Variants in INF2 observed in about 807,000 individuals in gnomAD.
INF2 encodes the protein inverted formin-2.
In INF2, 43 loss-of-function variants were observed where a neutral mutation model predicts 123.5. The observed-to-expected ratio is 0.35, with a 90% CI of 0.27 to 0.45. INF2 has a LOEUF of 0.45. Among genes scored for constraint, INF2 ranks in the 20% least tolerant of loss-of-function variants. INF2 has a pLI of 1.00. For synonymous variants in INF2, 851 were observed against 745.0 expected (o/e 1.14, Z -2.32); for missense variants, 1,453 against 1,682.7 (o/e 0.86, Z 2.39).
In INF2 at chr14:104,713,556, A is replaced by G; in HGVS notation, c.2990A>G (p.Asp997Gly). 1 of 1,612,232 alleles carries G rather than the reference A, an allele frequency of 6.2e-7. No homozygotes were observed. The highest frequency in any genetic ancestry group is 8.5e-7 in the Non-Finnish European group (1 of 1,179,690). The change falls in exon 20 of 23, where the codon GAC (aspartate) becomes GGC (glycine). Residue 997 changes from aspartate to glycine, a missense_variant. Asp to Gly is a moderately conservative substitution (Grantham distance 94). Around this residue, in one of 8 missense-constraint regions of INF2, gnomAD observed 212 missense variants for 266.2 expected, o/e 0.80. Transcript: ENST00000392634. ...ACAGCCCGGGGCCGCGGGGACACCG[A>G]CGGGGGCAGCAAGGCAGCCTCCATG... ...RKTARGRGDTDGGSKAASMDP... is the reference protein window; with the variant it reads ...RKTARGRGDTGGGSKAASMDP...
intron 1 of INF2, among the ~76,000 whole-genome samples, chr14:104,693,021 G>A (rs1889026824): frequency 6.6e-6 from 1 of 152,228 alleles, no homozygotes; most frequent in South Asian, 2.1e-4. Context: ...ACCTCTGTCT[G>A]TTGGAAATGG....
chr14:104,695,400 T>C (rs1345357396), intron 1 of INF2, among the ~76,000 whole-genome samples: 1 of 152,070 alleles, frequency 6.6e-6, no homozygotes, highest in Non-Finnish European at 1.5e-5. Flanking sequence ...GAGCACCCCG[T>C]TGGCCCTGCT....
At position 104,714,544 on chromosome 14, in the gene INF2, A is replaced by T. The variant is rs1890202764; in HGVS notation, c.3382A>T (p.Arg1128Trp). The T allele has an allele frequency of 3.1e-6, 5 of 1,612,620 alleles. No individual in the cohort carries two copies. The highest frequency in any genetic ancestry group is 1.6e-4 in the Middle Eastern group (1 of 6,084). The change falls in exon 21 of 23, where the codon AGG (arginine) becomes TGG (tryptophan). Residue 1128 changes from arginine (R) to tryptophan (W), a missense_variant. Physicochemically the swap from Arg to Trp is moderately radical, Grantham distance 101. Around this residue, in one of 8 missense-constraint regions of INF2, gnomAD observed 344 missense variants for 333.1 expected, o/e 1.03. Transcript: ENST00000392634. ...SNQPPAAGSS[R>W]QDAKDPTSLL... ...CCAGCCCCCTGCAGCCGGAAGTTCA[A>T]GGCAAGATGCCAAGGATCCCACGTC...
rs1171040044 is a variant in INF2 at position 104,703,900 on chromosome 14, G to C, written c.668-16G>C. On this transcript the variant is annotated splice_polypyrimidine_tract_variant and intron_variant, in intron 4 of 22. Transcript: ENST00000392634. Reference sequence around the variant, plus strand: ...AGTGGCCTCCGAACCCTCTGACCCTGTCCGTCCCTTCCCAGGGCTGCAGCT... The same window carrying C: ...AGTGGCCTCCGAACCCTCTGACCCTCTCCGTCCCTTCCCAGGGCTGCAGCT... The C allele has an allele frequency of 5.0e-6, 8 of 1,611,094 alleles. No individual in the cohort carries two copies. The highest frequency in any genetic ancestry group is 5.9e-6 in the Non-Finnish European group (7 of 1,179,904).
rs1890151807 is a variant in INF2, at chr14:104,713,479, T to G, written c.2913T>G (p.Cys971Trp). The G allele has an allele frequency of 6.2e-7, 1 of 1,611,360 alleles. No homozygotes were observed. Among genetic ancestry groups the G allele is most frequent in the African/African-American group, 1.3e-5 (1 of 74,864 alleles). Reference sequence around the variant, plus strand: ...GGCCCGGGAAGCAGGAGGAGGTGTGTGTCATCGATGCCCTGCTGGCTGACA... The same window carrying G: ...GGCCCGGGAAGCAGGAGGAGGTGTGGGTCATCGATGCCCTGCTGGCTGACA... Reference protein sequence around the residue: ...RKGPGKQEEVCVIDALLADIR... With the variant: ...RKGPGKQEEVWVIDALLADIR... The change falls in exon 20 of 23, where the codon TGT becomes TGG. Residue 971 changes from cysteine (C) to tryptophan (W), a missense_variant. Around this residue, in one of 8 missense-constraint regions of INF2, gnomAD observed 212 missense variants for 266.2 expected, o/e 0.80. Coordinates refer to ENST00000392634, the MANE Select transcript of INF2 (RefSeq NM_022489.4).
chr14:104,707,059 G>T lies in INF2; in HGVS notation c.985+8G>T. The T allele has an allele frequency of 6.4e-7, 1 of 1,573,036 alleles. No homozygotes were observed. The highest frequency in any genetic ancestry group is 8.6e-7 in the Non-Finnish European group (1 of 1,167,688). ...TGCTCCTGGCCAGCGATGGTGAGGG[G>T]GCGGGGCAGGGGCGTAGGCACAGCC... On this transcript the variant is annotated splice_region_variant and intron_variant, in intron 7 of 22. Transcript: ENST00000392634.
chr14:104,712,698 T>C, intron 17 of INF2, 130 bp from the exon 18 acceptor site: 1 of 1,483,490 alleles, frequency 6.7e-7, no homozygotes, highest in Non-Finnish European at 9.1e-7. Flanking sequence ...CACAGGCCCC[T>C]GCTCCTTGTC....
rs1433210270 is a variant in INF2 at position 104,707,028 on chromosome 14, G to A, written c.962G>A (p.Arg321Gln). Residue 321 changes from arginine (R) to glutamine (Q), a missense_variant, in exon 7 of 23, where the codon CGG (arginine) becomes CAG (glutamine). Coordinates refer to ENST00000392634, the MANE Select transcript of INF2 (RefSeq NM_022489.4). ...GAGGCCCTGGAGAGCCTCGTGAACC[G>A]GGCCGTGCTCCTGGCCAGCGATGGT... ...LWEALESLVN[R>Q]AVLLASDAQE... 9.5e-6 allele frequency: 15 copies of A among 1,585,580 alleles called. No individual in the cohort carries two copies. The highest frequency in any genetic ancestry group is 6.9e-5 in the Admixed American group (4 of 58,270).
At chr14:104,685,292 A>G (rs1888628110), upstream of INF2, among the ~76,000 whole-genome samples, 1 of 152,088 alleles carries the variant, frequency 6.6e-6, no homozygotes, top group South Asian at 2.1e-4. Context: ...GCCCTGACCA[A>G]TGTCTACCTC....
rs558293149 is a variant in INF2 at position 104,684,032 on chromosome 14, T to C, written c.-104+2450T>C. 2.2e-6 allele frequency: 1 copy of C among 456,010 alleles called. No homozygotes were observed. Among genetic ancestry groups the C allele is most frequent in the East Asian group, 7.0e-5 (1 of 14,386 alleles). 28.2% of individuals were successfully genotyped at this position (456,010 alleles called of 1,614,324 possible). Reference sequence around the variant, plus strand: ...CTCCTCAAATTCCCAACACCAGGGTTGCAAGGCCCAGTGTCTTCTCACCTC... The same window carrying C: ...CTCCTCAAATTCCCAACACCAGGGTCGCAAGGCCCAGTGTCTTCTCACCTC... On this transcript the variant is annotated intron_variant, in intron 1 of 2. Coordinates refer to the INF2 transcript ENST00000674723. The surrounding 1 kb of genome is among the most constrained non-coding windows in gnomAD (Gnocchi z 5.0).
At chr14:104,697,126 G>A (rs1034494127) in intron 1 of INF2, among the ~76,000 whole-genome samples, 6 of 152,230 alleles carry the variant, frequency 3.9e-5, no homozygotes, top group African/African-American at 1.4e-4. Flanking sequence ...CCCTACCAGT[G>A]GGGACTTCAC....
intron 10 of INF2, among the ~76,000 whole-genome samples, 154 bp from the exon 11 acceptor site, chr14:104,709,127 G>A (rs886709898): frequency 6.6e-6 from 1 of 152,080 alleles, no homozygotes; most frequent in Non-Finnish European, 1.5e-5. Context: ...CCTTCACCGC[G>A]TGACCGTGGG....
chr14:104,700,561 G>A (rs1453361133), intron 1 of INF2, among the ~76,000 whole-genome samples: 4 of 152,204 alleles, frequency 2.6e-5, no homozygotes, highest in African/African-American at 9.7e-5. Context: ...GGGGGATGTG[G>A]TGGCGTGGAG....
At chr14:104,713,032 TG>T in intron 18 of INF2, 40 bp downstream of exon 18, 1 of 1,610,474 alleles carries the variant, frequency 6.2e-7, no homozygotes, top group Non-Finnish European at 8.5e-7. Flanking sequence ...CTGGCTAGAG[TG>T]GGGTCCCGAG....
chr14:104,701,752 C>A lies in INF2; in HGVS notation c.387C>A (p.Ser129=). Residue 129 remains serine, a synonymous_variant, in exon 2 of 23, where the codon TCC becomes TCA. Transcript: ENST00000392634. ...LSNQGYVRQL[S]QALDTSNVMV... Reference sequence around the variant, plus strand: ...ACCAGGGCTACGTGCGCCAGCTCTCCCAGGGTGAGCCGCAGTGTGGGAGGG... The same window carrying A: ...ACCAGGGCTACGTGCGCCAGCTCTCACAGGGTGAGCCGCAGTGTGGGAGGG... 6.6e-7 allele frequency: 1 copy of A among 1,504,002 alleles called. No homozygotes were observed. The highest frequency in any genetic ancestry group is 2.4e-5 in the East Asian group (1 of 41,264). 93.2% of individuals were successfully genotyped at this position (1,504,002 alleles called of 1,614,324 possible). A position where few individuals can be genotyped will look rare whatever the true frequency, so the allele number is the denominator to read the frequency against.
chr14:104,687,750 G>A (rs1462548727), upstream of INF2, among the ~76,000 whole-genome samples: 2 of 152,086 alleles, frequency 1.3e-5, no homozygotes, highest in South Asian at 2.1e-4. This position sits in a 1 kb window ranked among gnomAD's most constrained non-coding sequence, Gnocchi z 5.6. Context: ...TGGACCCCTC[G>A]CCCACACCTG....
chr14:104,701,687 G>T lies in INF2; in HGVS notation c.322G>T (p.Val108Phe). ...QLTCVSCVRA[V>F]MNSRQGIEYI... Reference sequence around the variant, plus strand: ...CACCTGCGTCAGCTGCGTGCGCGCCGTCATGAACTCGCGGCAGGGCATCGA... The same window carrying T: ...CACCTGCGTCAGCTGCGTGCGCGCCTTCATGAACTCGCGGCAGGGCATCGA... The change falls in exon 2 of 23, where the codon GTC (valine) becomes TTC (phenylalanine). Residue 108 changes from valine to phenylalanine, a missense_variant. By Grantham distance (50) the Val-to-Phe change is conservative. This residue lies in a region of INF2 where 251 missense variants were observed against 349.4 expected (regional missense o/e 0.72). Coordinates refer to ENST00000392634, the MANE Select transcript of INF2 (RefSeq NM_022489.4). 6.4e-7 allele frequency: 1 copy of T among 1,571,772 alleles called. No individual in the cohort carries two copies. The highest frequency in any genetic ancestry group is 8.6e-7 in the Non-Finnish European group (1 of 1,159,306).
chr14:104,712,638 T>C, intron 17 of INF2, 85 bp downstream of exon 17: 3 of 1,588,174 alleles, frequency 1.9e-6, no homozygotes, highest in African/African-American at 2.7e-5. Context: ...GTCTCCTGGC[T>C]CCAGGGTGGA....
At chr14:104,705,984 G>A (rs1250307752) in intron 5 of INF2, 51 bp from the exon 6 acceptor site, 25 of 1,588,682 alleles carry the variant, frequency 1.6e-5, no homozygotes, top group South Asian at 2.2e-5. Flanking sequence ...CCCCGCCTGC[G>A]TGTTGGTGGT....
Sources: allele counts gnomAD v4.1 joint callset (sites outside exome capture counted in the v4.1 genomes callset), GRCh38; gene constraint gnomAD v4.1.1; regional missense constraint gnomAD v4.1.1; non-coding constraint Gnocchi (gnomAD v3.1); transcripts MANE v1.5; gene names NCBI Gene and HGNC (gene_info 2026-07-23, HGNC 2026-07-21).